The following RFPL1 variants were observed in gnomAD, a reference collection of about 807,000 sequenced individuals.
The protein encoded by RFPL1 is ret finger protein-like 1.
Under a neutral mutation model 9.6 loss-of-function variants are expected in RFPL1, and 6 were observed. That is an observed-to-expected ratio of 0.62 (90% CI 0.34 to 1.23). The LOEUF (loss-of-function observed/expected upper bound fraction) is 1.23, where lower values mean the gene tolerates loss of function less well. RFPL1 is among the 50% of genes most tolerant of loss of function. The pLI is 0.03. For synonymous variants in RFPL1, 145 were observed against 149.4 expected (o/e 0.97, Z 0.22); for missense variants, 352 against 398.4 (o/e 0.88, Z 0.99).
the RFPL1 span, among the ~76,000 whole-genome samples, chr22:29,416,099 A>T: frequency 6.6e-6 from 1 of 152,192 alleles, no homozygotes; most frequent in East Asian, 1.9e-4. Context: ...GTCCCCTTCC[A>T]TGCCACTTCA....
At chr22:29,426,729 T>C in the RFPL1 span, among the ~76,000 whole-genome samples, 7 of 152,086 alleles carry the variant, frequency 4.6e-5, no homozygotes, top group Non-Finnish European at 7.4e-5. Context: ...GCCAGGGTGA[T>C]AGAGCAGACT....
upstream of RFPL1, chr22:29,437,547 C>T (rs1330332556): frequency 9.1e-6 from 13 of 1,422,064 alleles, no homozygotes; most frequent in African/African-American, 1.4e-5. Flanking sequence ...GATATATCAC[C>T]AGTAAAAACC....
At chr22:29,405,073 T>A in the RFPL1 span, among the ~76,000 whole-genome samples, 1 of 152,094 alleles carries the variant, frequency 6.6e-6, no homozygotes, top group Non-Finnish European at 1.5e-5. Flanking sequence ...TAAATGCTAT[T>A]AACAAATCTA....
At chr22:29,442,137 AAAAC>A (rs774455449) in exon 2 of RFPL1, 13 of 1,506,502 alleles carry the variant, frequency 8.6e-6, no homozygotes, top group Non-Finnish European at 1.2e-5. Context: ...CCACTGCAAA[AAAAC>A]AAAAAACAGG....
the RFPL1 span, among the ~76,000 whole-genome samples, chr22:29,425,991 T>C: frequency 1.1e-3 from 170 of 152,282 alleles, 1 homozygote; most frequent in African/African-American, 4.0e-3. Flanking sequence ...GACTAATAGA[T>C]AGGATATCTG....
chr22:29,420,704 G>A, the RFPL1 span, among the ~76,000 whole-genome samples: 1 of 130,534 alleles, frequency 7.7e-6, no homozygotes. Context: ...GCAACGGTGC[G>A]ATCTCGGCTC....
chr22:29,396,480 T>A, the RFPL1 span, among the ~76,000 whole-genome samples: 2 of 152,222 alleles, frequency 1.3e-5, no homozygotes, highest in African/African-American at 4.8e-5. Context: ...TATTATAAAT[T>A]ACCGAGGTAT....
the RFPL1 span, among the ~76,000 whole-genome samples, chr22:29,403,457 G>A: frequency 6.6e-6 from 1 of 152,154 alleles, no homozygotes; most frequent in African/African-American, 2.4e-5. Context: ...TCTCCAAGAA[G>A]AAGACTGACC....
chr22:29,432,549 G>A, the RFPL1 span, among the ~76,000 whole-genome samples: 3 of 152,102 alleles, frequency 2.0e-5, no homozygotes, highest in Non-Finnish European at 2.9e-5. Flanking sequence ...CTCGGTCGCC[G>A]GCTAATAAAG....
chr22:29,405,487 AAT>A, the RFPL1 span, among the ~76,000 whole-genome samples: 1 of 152,230 alleles, frequency 6.6e-6, no homozygotes, highest in Admixed American at 6.5e-5. Context: ...ACGCAGGGAT[AAT>A]AGAGCAGGTG....
At chr22:29,402,321 C>T in the RFPL1 span, among the ~76,000 whole-genome samples, 1 of 152,236 alleles carries the variant, frequency 6.6e-6, no homozygotes, top group South Asian at 2.1e-4. Context: ...TATTCATCTT[C>T]ATCAAATGAG....
chr22:29,418,734 G>A, the RFPL1 span, among the ~76,000 whole-genome samples: 3 of 151,970 alleles, frequency 2.0e-5, no homozygotes, highest in East Asian at 1.9e-4. Context: ...TCCTGACCTC[G>A]AGATCCGCCC....
chr22:29,421,034 G>A, the RFPL1 span, among the ~76,000 whole-genome samples: 4 of 151,778 alleles, frequency 2.6e-5, no homozygotes, highest in East Asian at 1.9e-4. Flanking sequence ...CCTCCATTTC[G>A]CAGTGAGCAA....
At chr22:29,441,355 T>C (rs901450255) in intron 1 of RFPL1, 187 bp from the exon 2 acceptor site, 3 of 648,562 alleles carry the variant, frequency 4.6e-6, no homozygotes, top group Admixed American at 3.1e-5. Flanking sequence ...GAGTTGGGTA[T>C]TGCCACAAAG....
chr22:29,431,418 G>A, the RFPL1 span, among the ~76,000 whole-genome samples: 2 of 152,128 alleles, frequency 1.3e-5, no homozygotes, highest in African/African-American at 4.8e-5. Flanking sequence ...ATCATAGTGT[G>A]GCCAACTCGA....
chr22:29,411,233 G>T, the RFPL1 span, among the ~76,000 whole-genome samples: 13 of 152,120 alleles, frequency 8.5e-5, no homozygotes, highest in Admixed American at 8.5e-4. Context: ...ATAGTAAGGG[G>T]GTTGGGAGTG....
At chr22:29,408,691 C>A in the RFPL1 span, among the ~76,000 whole-genome samples, 1 of 152,260 alleles carries the variant, frequency 6.6e-6, no homozygotes, top group East Asian at 1.9e-4. Context: ...TGGACTCTAG[C>A]GACCGGTCAC....
chr22:29,404,903 C>T, the RFPL1 span, among the ~76,000 whole-genome samples: 1 of 152,080 alleles, frequency 6.6e-6, no homozygotes, highest in Non-Finnish European at 1.5e-5. Context: ...ATTTTTAAAA[C>T]ATTTTTTATA....
chr22:29,428,290 A>C, the RFPL1 span, among the ~76,000 whole-genome samples: 2 of 152,208 alleles, frequency 1.3e-5, no homozygotes, highest in Non-Finnish European at 2.9e-5. Flanking sequence ...ATAATGATGA[A>C]GAGATCAAAG....
Sources: gnomAD v4.1 joint callset for allele counts (sites outside exome capture counted in the v4.1 genomes callset) on GRCh38, gnomAD v4.1.1 for gene constraint, MANE v1.5 for transcripts, NCBI Gene and HGNC (gene_info 2026-07-23, HGNC 2026-07-21) for gene names.